The following PAX2 variants were observed in gnomAD, a reference collection of about 807,000 sequenced individuals.
PAX2 encodes the protein paired box protein Pax-2.
Under a neutral mutation model 41.7 loss-of-function variants are expected in PAX2, and 9 were observed. The ratio of observed to expected loss-of-function variants is 0.22; its 90% CI spans 0.13 to 0.38. PAX2 has a LOEUF of 0.38. Ranked by LOEUF, PAX2 falls within the 10% of genes least tolerant of loss-of-function variation. The probability of loss-of-function intolerance (pLI) is 1.00; values close to 1 mark genes in which losing one functional copy is unlikely to be tolerated. For synonymous variants in PAX2, 221 were observed against 212.7 expected, an observed-to-expected ratio of 1.04 and a Z score of -0.34; for missense variants, 418 against 531.6, an observed-to-expected ratio of 0.79 and a Z score of 2.10.
At chr10:100,789,539 C>A (rs937481632) in intron 5 of PAX2, among the ~76,000 whole-genome samples, 13 of 152,160 alleles carry the variant, frequency 8.5e-5, no homozygotes, top group African/African-American at 2.7e-4. Context: ...GTCCAGAAAC[C>A]AAATCTATAT....
At chr10:100,770,291 C>T (rs1249181859) in intron 3 of PAX2, among the ~76,000 whole-genome samples, 2 of 152,108 alleles carry the variant, frequency 1.3e-5, no homozygotes, top group African/African-American at 2.4e-5. Flanking sequence ...CCTTGTTCAC[C>T]TTATATCAAG....
chr10:100,781,429 G>A (rs550742562), intron 5 of PAX2, 64 bp downstream of exon 5: 339 of 1,585,828 alleles, frequency 2.1e-4, no homozygotes, highest in African/African-American at 3.4e-4. Flanking sequence ...TCCAAGCTCC[G>A]GTTTCGGCCT....
chr10:100,741,409 CAAAAAAA>C (rs71013465), upstream of PAX2, among the ~76,000 whole-genome samples: 2 of 111,310 alleles, frequency 1.8e-5, no homozygotes, highest in Non-Finnish European at 3.6e-5. Context: ...GAAGCTCTTC[CAAAAAAA>C]AAAAAAAAAA....
At chr10:100,738,638 T>C (rs1844849146) in intron 1 of PAX2, among the ~76,000 whole-genome samples, 1 of 152,330 alleles carries the variant, frequency 6.6e-6, no homozygotes, top group East Asian at 1.9e-4. Context: ...GTATTCGTTA[T>C]CCGCGGGTCT....
chr10:100,812,050 T>C (rs1589889367), intron 7 of PAX2, among the ~76,000 whole-genome samples: 1 of 152,198 alleles, frequency 6.6e-6, no homozygotes, highest in Non-Finnish European at 1.5e-5. Context: ...CCTAGACTAT[T>C]GTGTGGAGGG....
At position 100,749,028 on chromosome 10, in the gene PAX2, C is replaced by T. The variant is rs142861525; in HGVS notation, c.44-718C>T. 4.3e-4 allele frequency: 422 copies of T among 985,436 alleles called. 10 individuals carry two copies. The East Asian group carries it at 0.035, about 82-fold the overall frequency. The allele number at this position is 985,436 out of a possible 1,614,324, so 61.0% of individuals were successfully genotyped here. On this transcript the variant is annotated intron_variant, in intron 1 of 9. Transcript: ENST00000355243. ...TCTCTGAGCGCAGCAGACCCCGGGCCCCTGCCTCATCCGCCTTCCTTGCTC... is the reference window on the plus strand; with the variant it reads ...TCTCTGAGCGCAGCAGACCCCGGGCTCCTGCCTCATCCGCCTTCCTTGCTC...
At chr10:100,803,346 C>A (rs559802509) in intron 5 of PAX2, among the ~76,000 whole-genome samples, 2 of 152,114 alleles carry the variant, frequency 1.3e-5, no homozygotes, top group South Asian at 4.2e-4. Context: ...CTCCTTGGAC[C>A]TTCTGATCCA....
intron 5 of PAX2, among the ~76,000 whole-genome samples, chr10:100,806,192 C>T (rs1043750659): frequency 7.9e-5 from 12 of 152,176 alleles, no homozygotes; most frequent in African/African-American, 2.4e-4. Flanking sequence ...ACAGTGTGAC[C>T]GCTCCATCTC....
Position 100,748,751 on chromosome 10 carries a change from C to G in PAX2, c.44-995C>G, listed in dbSNP as rs1845311248. On this transcript the variant is annotated intron_variant, in intron 1 of 9. Transcript: ENST00000355243. The surrounding 1 kb of genome is among the most constrained non-coding windows in gnomAD (Gnocchi z 5.0). Reference sequence around the variant, plus strand: ...GGAAACCCCGTGCCCTTCTCTTGGCCGAAAGAGCAAAAGCCCGAGCCGCTC... The same window carrying G: ...GGAAACCCCGTGCCCTTCTCTTGGCGGAAAGAGCAAAAGCCCGAGCCGCTC... The G allele has an allele frequency of 2.0e-6, 2 of 985,330 alleles. No individual in the cohort carries two copies. The highest frequency in any genetic ancestry group is 9.4e-5 in the South Asian group (2 of 21,284). 61.0% of individuals were successfully genotyped at this position (985,330 alleles called of 1,614,324 possible).
chr10:100,799,133 A>G (rs1323784845), intron 5 of PAX2, among the ~76,000 whole-genome samples: 2 of 152,208 alleles, frequency 1.3e-5, no homozygotes, highest in Non-Finnish European at 2.9e-5. Flanking sequence ...TTCTGAGCAG[A>G]GGCCACCATC....
chr10:100,794,235 A>G (rs1847242289), intron 5 of PAX2, among the ~76,000 whole-genome samples: 1 of 152,272 alleles, frequency 6.6e-6, no homozygotes, highest in African/African-American at 2.4e-5. Context: ...GCATCACTTT[A>G]TACCAAGTCA....
rs902601225 is a variant in PAX2, at chr10:100,826,113, C to G, written c.1022-896C>G. 2.0e-5 allele frequency among the ~76,000 whole-genome samples: 3 copies of G among 152,042 alleles called. No individual in the cohort carries two copies. Among genetic ancestry groups the G allele is most frequent in the African/African-American group, 4.8e-5 (2 of 41,372 alleles). On this transcript the variant is annotated intron_variant, in intron 8 of 9. Transcript: ENST00000355243. This position sits in a 1 kb window ranked among gnomAD's most constrained non-coding sequence, Gnocchi z 5.5. ...GATGGGGAAGGAGATAGCTCAGTTC[C>G]TCTTGGTCACAGTTGAGCTCAGAAG...
intron 4 of PAX2, 119 bp downstream of exon 4, chr10:100,779,702 A>G (rs903161039): frequency 1.1e-5 from 8 of 761,550 alleles, no homozygotes; most frequent in African/African-American, 3.5e-5. Flanking sequence ...CTATTTGCCA[A>G]CTCCTCTCAC....
chr10:100,778,997 C>G (rs1009620783), intron 3 of PAX2, among the ~76,000 whole-genome samples: 1 of 152,184 alleles, frequency 6.6e-6, no homozygotes, highest in Non-Finnish European at 1.5e-5. Context: ...ACTTCTCATT[C>G]TTTCAGGATA....
rs535152115 is a variant in PAX2, at chr10:100,790,729, C to A, written c.616+9364C>A. Reference sequence around the variant, plus strand: ...CCTGCCAGCGGAATGGTCCTGGCAGCCTCCTTGACCATTGCTGCCCGCCCT... The same window carrying A: ...CCTGCCAGCGGAATGGTCCTGGCAGACTCCTTGACCATTGCTGCCCGCCCT... On this transcript the variant is annotated intron_variant, in intron 5 of 9. Coordinates refer to ENST00000355243, the MANE Select transcript of PAX2 (RefSeq NM_000278.5). Among the ~76,000 whole-genome samples the A allele has an allele frequency of 8.5e-5, 13 of 152,288 alleles. No homozygotes were observed. The South Asian group carries it at 2.7e-3, about 32-fold the overall frequency.
rs80030703 is a variant in PAX2 at position 100,779,671 on chromosome 10, G to A, written c.496+88G>A. The A allele has an allele frequency of 1.6e-3, 1,730 of 1,063,380 alleles. 14 individuals are homozygous for A. The African/African-American group carries it at 0.019, about 12-fold the overall frequency. The allele number at this position is 1,063,380 out of a possible 1,614,324, so 65.9% of individuals were successfully genotyped here. On this transcript the variant is annotated intron_variant, in intron 4 of 9. Coordinates refer to ENST00000355243, the MANE Select transcript of PAX2 (RefSeq NM_000278.5). ...CTCCACCCCTGGGAACTGCCTGCCC[G>A]CTTGAGGTCCAGAGCCCAACCTATT...
intron 1 of PAX2, chr10:100,747,973 G>T (rs1034547344): frequency 1.0e-6 from 1 of 983,874 alleles, no homozygotes; most frequent in Non-Finnish European, 1.2e-6. Context: ...GCCAAGCAGA[G>T]GTCGGAGGGA....
chr10:100,806,707 A>G (rs142424995), intron 6 of PAX2, 102 bp downstream of exon 6: 15 of 985,328 alleles, frequency 1.5e-5, no homozygotes, highest in African/African-American at 1.3e-4. Context: ...CCAGCATTGT[A>G]TGTGTTACAC....
intron 7 of PAX2, among the ~76,000 whole-genome samples, chr10:100,811,224 C>T (rs1847980313): frequency 1.3e-5 from 2 of 152,204 alleles, no homozygotes; most frequent in Admixed American, 1.3e-4. Flanking sequence ...TGCCATTACC[C>T]AAGAAAGAGC....
Sources: allele counts gnomAD v4.1 joint callset (sites outside exome capture counted in the v4.1 genomes callset), GRCh38; gene constraint gnomAD v4.1.1; non-coding constraint Gnocchi (gnomAD v3.1); transcripts MANE v1.5; gene names NCBI Gene and HGNC (gene_info 2026-07-23, HGNC 2026-07-21).